NRXN1: variants seen among roughly 807,000 people sequenced by gnomAD.
The protein encoded by NRXN1 is neurexin-1.
A neutral mutation model predicts 150.9 loss-of-function variants in NRXN1; 39 were observed. The observed-to-expected ratio is 0.26, with a 90% CI of 0.20 to 0.34. NRXN1 has a LOEUF of 0.34. NRXN1 is among the 10% of genes least tolerant of loss of function. The pLI, the probability that NRXN1 is intolerant of heterozygous loss-of-function variation, is 1.00. For synonymous variants in NRXN1, 924 were observed against 757.0 expected, an observed-to-expected ratio of 1.22 and a Z score of -3.62; for missense variants, 1,815 against 1,949.9, an observed-to-expected ratio of 0.93 and a Z score of 1.30.
intron 17 of NRXN1, among the ~76,000 whole-genome samples, chr2:50,418,939 CTT>C (rs987085231): frequency 3.3e-5 from 5 of 151,694 alleles, no homozygotes; most frequent in African/African-American, 1.2e-4. Context: ...TTATTTTAAG[CTT>C]TTTATCATTT....
intron 19 of NRXN1, among the ~76,000 whole-genome samples, chr2:50,084,506 A>C (rs1336586216): frequency 1.3e-5 from 2 of 152,284 alleles, no homozygotes; most frequent in East Asian, 3.9e-4. Context: ...CTGCAAGTGC[A>C]GGGCCCACCA....
chr2:50,346,872 G>C lies in NRXN1; in HGVS notation c.3365-109902C>G. 1 of 1,242,684 alleles carries C rather than the reference G, an allele frequency of 8.0e-7. No individual in the cohort carries two copies. Among genetic ancestry groups the C allele is most frequent in the Non-Finnish European group, 1.0e-6 (1 of 991,244 alleles). 77.0% of individuals were successfully genotyped at this position (1,242,684 alleles called of 1,614,324 possible). A position where few individuals can be genotyped will look rare whatever the true frequency, so the allele number is the denominator to read the frequency against. The stretch of plus-strand genomic sequence containing the variant: ...AAAGCAGGGCCAGGCGCCCCCCTGC[G>C]CCGCCGCCGCCGCCGCCGCCGCCGC... On this transcript the variant is annotated intron_variant, in intron 17 of 22. Transcript: ENST00000401669. This position sits in a 1 kb window ranked among gnomAD's most constrained non-coding sequence, Gnocchi z 5.0.
intron 5 of NRXN1, among the ~76,000 whole-genome samples, chr2:50,858,092 A>ACT (rs1554152097): frequency 2.0e-5 from 3 of 149,218 alleles, no homozygotes; most frequent in Non-Finnish European, 3.0e-5. Context: ...ACCCAAATAG[A>ACT]TTTTTTTTTT....
At chr2:50,066,627 A>G (rs1257031545) in intron 19 of NRXN1, among the ~76,000 whole-genome samples, 3 of 152,178 alleles carry the variant, frequency 2.0e-5, no homozygotes, top group African/African-American at 7.2e-5. Flanking sequence ...AGACTCTCCA[A>G]TAAAACATAT....
chr2:50,650,993 C>T (rs761635523), intron 5 of NRXN1, among the ~76,000 whole-genome samples: 25 of 152,034 alleles, frequency 1.6e-4, no homozygotes, highest in Non-Finnish European at 3.1e-4. Flanking sequence ...GTGGTTTCTG[C>T]TATCAAGTGA....
At chr2:50,771,502 G>T (rs1703005828) in intron 5 of NRXN1, among the ~76,000 whole-genome samples, 1 of 151,996 alleles carries the variant, frequency 6.6e-6, no homozygotes, top group South Asian at 2.1e-4. Context: ...AGGAGGGACT[G>T]GAACCAGGTC....
intron 17 of NRXN1, among the ~76,000 whole-genome samples, chr2:50,290,845 C>T (rs548330970): frequency 2.1e-4 from 32 of 152,284 alleles, no homozygotes; most frequent in Middle Eastern, 3.4e-3. Context: ...TTCTAGAAGG[C>T]ACTCTGCTGC....
chr2:50,262,969 T>G (rs1010890435), intron 17 of NRXN1, among the ~76,000 whole-genome samples: 11 of 151,992 alleles, frequency 7.2e-5, no homozygotes, highest in African/African-American at 2.7e-4. Context: ...CCCTGGTAGA[T>G]TAATACCTTT....
chr2:50,681,873 T>G (rs1359667372), intron 5 of NRXN1, among the ~76,000 whole-genome samples: 1 of 94,042 alleles, frequency 1.1e-5, no homozygotes, highest in East Asian at 2.9e-4. Context: ...AGCATAGTAA[T>G]TAAAATTGTG....
At chr2:50,727,388 T>G (rs557534454) in intron 5 of NRXN1, among the ~76,000 whole-genome samples, 1 of 152,296 alleles carries the variant, frequency 6.6e-6, no homozygotes, top group East Asian at 1.9e-4. Flanking sequence ...AATGCTTCAA[T>G]TATGAAATAT....
At chr2:50,044,367 C>T (rs1691476949) in intron 21 of NRXN1, among the ~76,000 whole-genome samples, 1 of 152,144 alleles carries the variant, frequency 6.6e-6, no homozygotes, top group African/African-American at 2.4e-5. Flanking sequence ...ACCAACTACT[C>T]TATTAAATCT....
intron 21 of NRXN1, among the ~76,000 whole-genome samples, chr2:50,014,562 G>A (rs1686255924): frequency 6.6e-6 from 1 of 152,126 alleles, no homozygotes; most frequent in African/African-American, 2.4e-5. Context: ...TCCAGACATT[G>A]CCAAATACTC....
At chr2:50,528,987 C>A in intron 11 of NRXN1, 1 of 242,468 alleles carries the variant, frequency 4.1e-6, no homozygotes, top group Non-Finnish European at 7.8e-6. Context: ...CATTGTTTTC[C>A]GCAAAATGTA....
chr2:50,830,125 G>A (rs1671211668), intron 5 of NRXN1, among the ~76,000 whole-genome samples: 1 of 150,622 alleles, frequency 6.6e-6, no homozygotes, highest in South Asian at 2.1e-4. Context: ...GTCTGGGCTT[G>A]CACTTCTTTA....
chr2:50,316,030 G>A (rs890577707), intron 17 of NRXN1, among the ~76,000 whole-genome samples: 5 of 152,102 alleles, frequency 3.3e-5, no homozygotes, highest in Non-Finnish European at 7.4e-5. Flanking sequence ...TTGGTAGTAT[G>A]CCTGATAATG....
intron 5 of NRXN1, among the ~76,000 whole-genome samples, chr2:50,823,115 T>C (rs1399705477): frequency 6.6e-6 from 1 of 152,206 alleles, no homozygotes; most frequent in Admixed American, 6.5e-5. Context: ...GTTGTCATTT[T>C]AATTATTTGC....
At chr2:50,332,978 G>A (rs1194343682) in intron 17 of NRXN1, among the ~76,000 whole-genome samples, 1 of 152,072 alleles carries the variant, frequency 6.6e-6, no homozygotes, top group Admixed American at 6.5e-5. Flanking sequence ...GATAATACTG[G>A]CCATCACACC....
chr2:50,587,665 T>A (rs1037470636), intron 8 of NRXN1, among the ~76,000 whole-genome samples: 3 of 152,288 alleles, frequency 2.0e-5, no homozygotes, highest in Admixed American at 1.3e-4. Flanking sequence ...ATATTAAAAT[T>A]GTAAATATAT....
chr2:50,725,419 T>C (rs1378289767), intron 5 of NRXN1, among the ~76,000 whole-genome samples: 5 of 151,038 alleles, frequency 3.3e-5, no homozygotes, highest in Admixed American at 6.6e-5. Context: ...TTAAGTAAAG[T>C]GATGGGTAGC....
Sources: gnomAD v4.1 joint callset for allele counts (sites outside exome capture counted in the v4.1 genomes callset) on GRCh38, gnomAD v4.1.1 for gene constraint, Gnocchi (gnomAD v3.1) non-coding constraint, MANE v1.5 for transcripts, NCBI Gene and HGNC (gene_info 2026-07-23, HGNC 2026-07-21) for gene names.